The following CDK10 variants were observed in gnomAD, a reference collection of about 807,000 sequenced individuals.
CDK10 encodes cyclin dependent kinase 10.
A neutral mutation model predicts 51.0 loss-of-function variants in CDK10; 55 were observed. The observed-to-expected ratio is 1.08, with a 90% CI of 0.87 to 1.35. CDK10 has a LOEUF of 1.35. CDK10 is among the 40% of genes most tolerant of loss of function. CDK10 has a pLI of 0.00. For missense variants in CDK10, 589 were observed against 485.1 expected (o/e 1.21, Z -2.01); for synonymous variants, 255 against 199.1 (o/e 1.28, Z -2.36).
intron 8 of CDK10, 81 bp from the exon 9 acceptor site, chr16:89,694,090 GCT>G: frequency 7.1e-7 from 1 of 1,403,002 alleles, no homozygotes; most frequent in East Asian, 2.3e-5. Flanking sequence ...GCCACCACAG[GCT>G]CTCGGGGAGG....
rs2060449454 is a variant in CDK10, at chr16:89,691,537, C to T, written c.327C>T (p.His109=). The T allele has an allele frequency of 4.3e-6, 7 of 1,613,422 alleles. No homozygotes were observed. Among genetic ancestry groups the T allele is most frequent in the Non-Finnish European group, 5.9e-6 (7 of 1,179,526 alleles). Residue 109 remains histidine (H), a synonymous_variant, in exon 4 of 13, where the codon CAC becomes CAT. Transcript: ENST00000353379. ...VELKEVVVGN[H]LESIFLVMGY... Reference sequence around the variant, plus strand: ...TGAAGGAGGTGGTTGTGGGGAACCACCTGGAGAGGTACGTGGTCTCCTGGT... The same window carrying T: ...TGAAGGAGGTGGTTGTGGGGAACCATCTGGAGAGGTACGTGGTCTCCTGGT...
Position 89,695,876 on chromosome 16 carries a change from C to T in CDK10, c.*184C>T, listed in dbSNP as rs1218223704. 9 of 1,355,148 alleles carry T rather than the reference C, an allele frequency of 6.6e-6. No homozygotes were observed. Among genetic ancestry groups the T allele is most frequent in the Non-Finnish European group, 9.1e-6 (9 of 984,768 alleles). The allele number at this position is 1,355,148 out of a possible 1,614,324, so 83.9% of individuals were successfully genotyped here. On this transcript the variant is annotated 3_prime_UTR_variant, in exon 13 of 13. Transcript: ENST00000353379. Reference sequence around the variant, plus strand: ...ACCCACTGCTGCCCCCAGAAAAAGGCCGGGTGACACCGGGGGGCTCCCAGC... The same window carrying T: ...ACCCACTGCTGCCCCCAGAAAAAGGTCGGGTGACACCGGGGGGCTCCCAGC...
In CDK10 at chr16:89,695,723, CACCAGGT is replaced by C. The variant is rs1567528535; in HGVS notation, c.*32_*38del. 6.3e-7 allele frequency: 1 copy of C among 1,591,336 alleles called. No homozygotes were observed. Among genetic ancestry groups the C allele is most frequent in the Admixed American group, 1.7e-5 (1 of 57,400 alleles). ...GGCCTGGCACACGCCTGTATTCCCA[CACCAGGT>C]CTTCCGATCAGTGGTGTCTGTGAAG... On this transcript the variant is annotated 3_prime_UTR_variant, in exon 13 of 13. Coordinates refer to ENST00000353379, the MANE Select transcript of CDK10 (RefSeq NM_052988.5).
Position 89,695,648 on chromosome 16 carries a change from G to C in CDK10, c.1039G>C (p.Ala347Pro). 1 of 1,604,462 alleles carries C rather than the reference G, an allele frequency of 6.2e-7. No individual in the cohort carries two copies. Among genetic ancestry groups the C allele is most frequent in the Middle Eastern group, 1.7e-4 (1 of 6,012 alleles). The change falls in exon 13 of 13, where the codon GCC (alanine) becomes CCC (proline). Residue 347 changes from alanine (A) to proline (P), a missense_variant. Transcript: ENST00000353379. The stretch of plus-strand genomic sequence containing the variant: ...TCCCCACCACCGCAACAAGCGGGCC[G>C]CCCCAGCCACCTCCGAGGGCCAGAG... ...TFPHHRNKRA[A>P]PATSEGQSKR...
At chr16:89,689,373 G>T (rs1049111110) in intron 2 of CDK10, 49 bp downstream of exon 2, 1 of 1,545,456 alleles carries the variant, frequency 6.5e-7, no homozygotes, top group East Asian at 2.2e-5. Flanking sequence ...GGCTGTGACA[G>T]TGTGGGACGA....
chr16:89,691,321 T>A, intron 3 of CDK10, 122 bp from the exon 4 acceptor site: 1 of 641,414 alleles, frequency 1.6e-6, no homozygotes, highest in Non-Finnish European at 2.6e-6. Context: ...GCCCCAATTC[T>A]CCCTGAGGTG....
Position 89,695,725 on chromosome 16 carries a change from C to G in CDK10, c.*33C>G. Reference sequence around the variant, plus strand: ...CCTGGCACACGCCTGTATTCCCACACCAGGTCTTCCGATCAGTGGTGTCTG... The same window carrying G: ...CCTGGCACACGCCTGTATTCCCACAGCAGGTCTTCCGATCAGTGGTGTCTG... On this transcript the variant is annotated 3_prime_UTR_variant, in exon 13 of 13. Coordinates refer to ENST00000353379, the MANE Select transcript of CDK10 (RefSeq NM_052988.5). The G allele has an allele frequency of 1.3e-6, 2 of 1,590,800 alleles. No individual in the cohort carries two copies. The highest frequency in any genetic ancestry group is 1.7e-4 in the Middle Eastern group (1 of 6,046).
intron 11 of CDK10, 41 bp from the exon 12 acceptor site, chr16:89,695,252 C>A: frequency 6.3e-7 from 1 of 1,583,146 alleles, no homozygotes; most frequent in Non-Finnish European, 8.6e-7. Flanking sequence ...GGTGAGGAAG[C>A]CGCACTCACA....
rs8404 is a variant in CDK10, at chr16:89,696,239, T to C, written c.*547T>C. 15,865 of 250,242 alleles carry C rather than the reference T, an allele frequency of 0.063. 645 individuals carry two copies. Among genetic ancestry groups the C allele is most frequent in the Non-Finnish European group, 0.093 (11,823 of 127,072 alleles). The allele number at this position is 250,242 out of a possible 1,614,324, so 15.5% of individuals were successfully genotyped here. ...TACCCCGAGACTACCAGGAGAGCCC[T>C]GGGCTGGAGGCTGAGCTGCATCCCT... On this transcript the variant is annotated 3_prime_UTR_variant, in exon 13 of 13. Transcript: ENST00000353379.
In CDK10 at chr16:89,695,965, C is replaced by G. The variant is rs2060704777; in HGVS notation, c.*273C>G. 1.6e-5 allele frequency: 10 copies of G among 628,102 alleles called. No individual in the cohort carries two copies. The South Asian group carries it at 1.9e-4, about 12-fold the overall frequency. The allele number at this position is 628,102 out of a possible 1,614,324, so 38.9% of individuals were successfully genotyped here. On this transcript the variant is annotated 3_prime_UTR_variant, in exon 13 of 13. Coordinates refer to ENST00000353379, the MANE Select transcript of CDK10 (RefSeq NM_052988.5). ...GTGGCTGCAGGGGTCTCATGTGGTC[C>G]TCCTCGCTATGTTGGAAATGTGCAA...
intron 11 of CDK10, 104 bp downstream of exon 11, chr16:89,695,174 C>G (rs983176488): frequency 2.3e-5 from 35 of 1,540,208 alleles, no homozygotes; most frequent in Non-Finnish European, 3.1e-5. Context: ...TCCCCAGGCA[C>G]AGCCGCTCGG....
intron 4 of CDK10, 58 bp downstream of exon 4, chr16:89,691,603 G>A: frequency 2.1e-6 from 3 of 1,456,040 alleles, no homozygotes; most frequent in South Asian, 1.2e-5. Flanking sequence ...TTGGGCTAGA[G>A]GTGTTGCACA....
chr16:89,692,636 A>C (rs1302590064), intron 6 of CDK10, 120 bp downstream of exon 6: 2 of 614,936 alleles, frequency 3.3e-6, no homozygotes, highest in Non-Finnish European at 5.4e-6. Context: ...CGCTGCTCGC[A>C]CTCCATTTGT....
chr16:89,694,315 CAG>C (rs752321068), intron 9 of CDK10, 83 bp downstream of exon 9: 118 of 1,418,168 alleles, frequency 8.3e-5, no homozygotes, highest in Non-Finnish European at 1.1e-4. Context: ...AGCTCAGCCT[CAG>C]GGGAGGGGCA....
chr16:89,689,107 G>GA (rs1176807918), intron 1 of CDK10, 145 bp from the exon 2 acceptor site: 562 of 682,732 alleles, frequency 8.2e-4, no homozygotes, highest in Non-Finnish European at 9.6e-4. Flanking sequence ...CTCAAAAAAA[G>GA]AAAAAAAAAG....
chr16:89,691,718 C>A, intron 4 of CDK10, 88 bp from the exon 5 acceptor site: 1 of 1,376,472 alleles, frequency 7.3e-7, no homozygotes, highest in Non-Finnish European at 1.0e-6. Flanking sequence ...GGTTGTCCTG[C>A]CCATGTCCCC....
chr16:89,696,070 G>A lies in CDK10; in HGVS notation c.*378G>A. ...TGGTGGACGCTGGCCTGGGATGAGA[G>A]GGCCCAGAAGACCTTCGTATCCCCT... is the stretch of plus-strand genomic sequence containing the variant. On this transcript the variant is annotated 3_prime_UTR_variant, in exon 13 of 13. Transcript: ENST00000353379. 2 of 545,378 alleles carry A rather than the reference G, an allele frequency of 3.7e-6. No individual in the cohort carries two copies. The highest frequency in any genetic ancestry group is 6.6e-6 in the Non-Finnish European group (2 of 301,116). 33.8% of individuals were successfully genotyped at this position (545,378 alleles called of 1,614,324 possible).
Position 89,691,806 on chromosome 16 carries a change from C to T in CDK10, c.336C>T (p.Ser112=), listed in dbSNP as rs2151578436. 6.2e-7 allele frequency: 1 copy of T among 1,613,856 alleles called. No homozygotes were observed. Among genetic ancestry groups the T allele is most frequent in the South Asian group, 1.1e-5 (1 of 91,074 alleles). Residue 112 remains serine (S), a splice_region_variant and synonymous_variant, in exon 5 of 13, where the codon AGC becomes AGT. Coordinates refer to ENST00000353379, the MANE Select transcript of CDK10 (RefSeq NM_052988.5). ...GGCATGCATCTTCTGTTTCTTCCAG[C>T]ATCTTCCTGGTGATGGGTTACTGTG... The part of the protein sequence containing the change: ...KEVVVGNHLE[S]IFLVMGYCEQ...
rs527647450 is a variant in CDK10 at position 89,694,034 on chromosome 16, G to T, written c.609-139G>T. 27 of 790,096 alleles carry T rather than the reference G, an allele frequency of 3.4e-5. No individual in the cohort carries two copies. The South Asian group carries it at 3.9e-4, about 11-fold the overall frequency. The allele number at this position is 790,096 out of a possible 1,614,324, so 48.9% of individuals were successfully genotyped here. A position where few individuals can be genotyped will look rare whatever the true frequency, so the allele number is the denominator to read the frequency against. ...ATTGCTGTGTGTGCCACCTGGATCT[G>T]CAGGGCCTGGGGCAGAGGGTGGTCC... On this transcript the variant is annotated intron_variant, in intron 8 of 12. Transcript: ENST00000353379.
Sources: gnomAD v4.1 joint callset for allele counts on GRCh38, gnomAD v4.1.1 for gene constraint, MANE v1.5 for transcripts, NCBI Gene and HGNC (gene_info 2026-07-23, HGNC 2026-07-21) for gene names.